Variants in POU2F1 observed in about 807,000 individuals in gnomAD.
POU2F1 encodes POU domain, class 2, transcription factor 1.
In POU2F1, 16 loss-of-function variants were observed where a neutral mutation model predicts 84.9. The ratio of observed to expected loss-of-function variants is 0.19; its 90% CI spans 0.13 to 0.29. The LOEUF (loss-of-function observed/expected upper bound fraction) is 0.29, where lower values mean the gene tolerates loss of function less well. Ranked by LOEUF, POU2F1 falls within the 10% of genes least tolerant of loss-of-function variation. The pLI, the probability that POU2F1 is intolerant of heterozygous loss-of-function variation, is 1.00. For missense variants in POU2F1, 738 were observed against 942.6 expected (o/e 0.78, Z 2.84); for synonymous variants, 368 against 368.3 (o/e 1.00, Z 0.01).
chr1:167,370,246 T>G (rs1659924969), intron 4 of POU2F1, 32 bp downstream of exon 4: 1 of 1,534,488 alleles, frequency 6.5e-7, no homozygotes, highest in Non-Finnish European at 8.9e-7. Flanking sequence ...TGGGTCAATC[T>G]TTTATTTATT....
chr1:167,409,424 C>G lies in POU2F1; in HGVS notation c.1556-2535C>G, dbSNP rs192624393. On this transcript the variant is annotated intron_variant, in intron 13 of 15. Transcript: ENST00000367866. The stretch of plus-strand genomic sequence containing the variant: ...TGCTGTTGAGGACATTGAGGCTCAG[C>G]AACAATAAGTTCACTAGTCAAAGTT... Among the ~76,000 whole-genome samples the G allele has an allele frequency of 6.6e-5, 10 of 152,196 alleles. No individual in the cohort carries two copies. The East Asian group carries it at 1.9e-3, about 29-fold the overall frequency.
At chr1:167,402,655 G>C (rs1649291976) in intron 13 of POU2F1, among the ~76,000 whole-genome samples, 1 of 152,146 alleles carries the variant, frequency 6.6e-6, no homozygotes, top group Non-Finnish European at 1.5e-5. Context: ...CCCACTCCAA[G>C]GCTATTTGTG....
intron 2 of POU2F1, among the ~76,000 whole-genome samples, chr1:167,333,810 T>C (rs1571318314): frequency 6.6e-6 from 1 of 152,214 alleles, no homozygotes; most frequent in Non-Finnish European, 1.5e-5. Context: ...CTCTGTCCCC[T>C]GTTTGGACTC....
chr1:167,415,825 G>T lies in POU2F1; in HGVS notation c.*15G>T. The T allele has an allele frequency of 6.2e-7, 1 of 1,604,568 alleles. No homozygotes were observed. The highest frequency in any genetic ancestry group is 8.5e-7 in the Non-Finnish European group (1 of 1,174,796). ...AGGCACAGTGAGCTGGGCAGAGCTGGGCTGCCAGAAGCCTTTTTCACTCTG... is the reference window on the plus strand; with the variant it reads ...AGGCACAGTGAGCTGGGCAGAGCTGTGCTGCCAGAAGCCTTTTTCACTCTG... On this transcript the variant is annotated 3_prime_UTR_variant, in exon 16 of 16. Transcript: ENST00000367866.
intron 8 of POU2F1, among the ~76,000 whole-genome samples, chr1:167,387,582 T>C (rs1648073532): frequency 6.6e-6 from 1 of 152,236 alleles, no homozygotes; most frequent in African/African-American, 2.4e-5. Context: ...GAGGAAGCCT[T>C]GACTCATAAG....
At chr1:167,328,915 G>A (rs1011616741) in intron 1 of POU2F1, 55 of 439,198 alleles carry the variant, frequency 1.3e-4, no homozygotes, top group Middle Eastern at 1.1e-3. Flanking sequence ...CTAATCACGC[G>A]CATACTGATT....
intron 2 of POU2F1, among the ~76,000 whole-genome samples, chr1:167,351,250 A>G (rs1262535818): frequency 6.6e-6 from 1 of 152,104 alleles, no homozygotes; most frequent in Non-Finnish European, 1.5e-5. Flanking sequence ...GCTCCTCAGG[A>G]AGCTGAGACA....
Position 167,415,397 on chromosome 1 carries a change from G to A in POU2F1, c.1991-103G>A. On this transcript the variant is annotated intron_variant, in intron 15 of 15. Coordinates refer to ENST00000367866, the MANE Select transcript of POU2F1 (RefSeq NM_002697.4). ...CAGTGAAGGGCTATACTTTTTCCTG[G>A]TGGGTTGTAGGAAAATGATAGACTT... The A allele has an allele frequency of 2.3e-6, 3 of 1,286,552 alleles. No individual in the cohort carries two copies. The South Asian group carries it at 4.3e-5, about 18-fold the overall frequency. The allele number at this position is 1,286,552 out of a possible 1,614,324, so 79.7% of individuals were successfully genotyped here.
intron 2 of POU2F1, among the ~76,000 whole-genome samples, chr1:167,346,289 G>A (rs1186060357): frequency 6.6e-6 from 1 of 152,154 alleles, no homozygotes; most frequent in Non-Finnish European, 1.5e-5. Flanking sequence ...ATGCATCACT[G>A]ATAATGCATT....
In POU2F1 at chr1:167,334,151, CTTTTTTTTTTTT is replaced by C. The variant is rs57242474; in HGVS notation, c.127+1631_127+1642del. 6.3e-4 allele frequency among the ~76,000 whole-genome samples: 42 copies of C among 66,818 alleles called. 2 individuals are homozygous for C. The highest frequency in any genetic ancestry group is 4.6e-3 in the Admixed American group (22 of 4,738). The allele number at this position is 66,818 out of a possible 152,430, so 43.8% of individuals were successfully genotyped here. ...TACCATTTATTGAGCAACTACAACA[CTTTTTTTTTTTT>C]TTTTTTTTTTTTTTGAGATGGAATT... On this transcript the variant is annotated intron_variant, in intron 2 of 15. Transcript: ENST00000367866.
intron 1 of POU2F1, among the ~76,000 whole-genome samples, chr1:167,268,159 T>C (rs1477100637): frequency 6.6e-6 from 1 of 152,156 alleles, no homozygotes; most frequent in African/African-American, 2.4e-5. Flanking sequence ...TTACTATTAT[T>C]TCAAGAAATA....
intron 2 of POU2F1, among the ~76,000 whole-genome samples, chr1:167,339,948 C>T (rs149190611): frequency 1.5e-3 from 223 of 152,180 alleles, no homozygotes; most frequent in Non-Finnish European, 2.6e-3. Context: ...TCATTTAATC[C>T]TTATAAAAAC....
chr1:167,329,063 A>C (rs1378264804), intron 1 of POU2F1: 1 of 1,197,982 alleles, frequency 8.3e-7, no homozygotes, highest in Non-Finnish European at 1.0e-6. Context: ...TGAGCAACTG[A>C]AGTTTCCTTA....
chr1:167,293,539 G>C (rs1245488014), intron 1 of POU2F1, among the ~76,000 whole-genome samples: 1 of 152,044 alleles, frequency 6.6e-6, no homozygotes, highest in Admixed American at 6.6e-5. Flanking sequence ...TATTGTGCCA[G>C]TTGACAGATT....
At chr1:167,287,866 A>G (rs956328290) in intron 1 of POU2F1, among the ~76,000 whole-genome samples, 1 of 152,358 alleles carries the variant, frequency 6.6e-6, no homozygotes, top group South Asian at 2.1e-4. Context: ...CAGAAAATCA[A>G]ATATAAAGAG....
In POU2F1 at chr1:167,323,755, C is replaced by T. The variant is rs141399418; in HGVS notation, c.62-8715C>T. ...TCACCCAGGCAGGAGTGCAGTCACG[C>T]GATCTCGGCTCAATGCAACCTCCGC... On this transcript the variant is annotated intron_variant, in intron 1 of 15. Coordinates refer to ENST00000367866, the MANE Select transcript of POU2F1 (RefSeq NM_002697.4). 3.1e-3 allele frequency among the ~76,000 whole-genome samples: 479 copies of T among 152,294 alleles called. 1 individual carries two copies. The highest frequency in any genetic ancestry group is 6.8e-3 in the Middle Eastern group (2 of 294).
chr1:167,268,646 A>G (rs541253964), intron 1 of POU2F1, among the ~76,000 whole-genome samples: 14 of 152,292 alleles, frequency 9.2e-5, no homozygotes, highest in African/African-American at 2.2e-4. Context: ...TCTTCCTCCT[A>G]TGCCACACAC....
Position 167,421,385 on chromosome 1 carries a change from G to A in POU2F1, c.*5575G>A, listed in dbSNP as rs1650642339. On this transcript the variant is annotated 3_prime_UTR_variant, in exon 16 of 16. Coordinates refer to ENST00000367866, the MANE Select transcript of POU2F1 (RefSeq NM_002697.4). ...TTAAATATAAATAGGACACCCCTGA[G>A]ATTTCCAGTAAGGTATTTGAAAGGA... The A allele has an allele frequency of 6.6e-6, 1 of 152,216 alleles. No homozygotes were observed. Among genetic ancestry groups the A allele is most frequent in the Non-Finnish European group, 1.5e-5 (1 of 68,044 alleles). The allele number at this position is 152,216 out of a possible 1,614,324, so 9.4% of individuals were successfully genotyped here.
Position 167,370,207 on chromosome 1 carries a change from A to G in POU2F1, c.275A>G (p.Asn92Ser). ...TSLQAAAQSL[N>S]VQSKSNEESG... ...TTACAGGCTGCTGCTCAGTCTTTAAATGTACAGGTAAGCTGGGACCTGGGA... is the reference window on the plus strand; with the variant it reads ...TTACAGGCTGCTGCTCAGTCTTTAAGTGTACAGGTAAGCTGGGACCTGGGA... The change falls in exon 4 of 16, where the codon AAT becomes AGT. Residue 92 changes from asparagine (N) to serine (S), a missense_variant. Asn to Ser is a conservative substitution (Grantham distance 46, BLOSUM62 1). Transcript: ENST00000367866. 2 of 1,602,656 alleles carry G rather than the reference A, an allele frequency of 1.2e-6. No individual in the cohort carries two copies.
Sources: allele counts gnomAD v4.1 joint callset (sites outside exome capture counted in the v4.1 genomes callset), GRCh38; gene constraint gnomAD v4.1.1; transcripts MANE v1.5; gene names NCBI Gene and HGNC (gene_info 2026-07-23, HGNC 2026-07-21).